The following LUC7L variants were observed in gnomAD, a reference collection of about 807,000 sequenced individuals.
The protein encoded by LUC7L is putative RNA-binding protein Luc7-like 1.
LUC7L carries 29 observed loss-of-function variants against 51.1 expected under a neutral mutation model. The ratio of observed to expected loss-of-function variants is 0.57; its 90% CI spans 0.42 to 0.77. The LOEUF is 0.77. LUC7L is among the 30% of genes least tolerant of loss of function. The pLI is 0.00. For synonymous variants in LUC7L, 181 were observed against 180.7 expected, an observed-to-expected ratio of 1.00 and a Z score of -0.01; for missense variants, 403 against 511.9, an observed-to-expected ratio of 0.79 and a Z score of 2.05.
intron 2 of LUC7L, among the ~76,000 whole-genome samples, chr16:223,272 C>T (rs904335286): frequency 2.0e-5 from 3 of 151,968 alleles, no homozygotes; most frequent in Non-Finnish European, 4.4e-5. Flanking sequence ...TGGCATGAAC[C>T]AGAGAGGCAG....
intron 6 of LUC7L, among the ~76,000 whole-genome samples, chr16:196,809 G>C (rs2049161370): frequency 6.6e-6 from 1 of 151,614 alleles, no homozygotes; most frequent in Non-Finnish European, 1.5e-5. Context: ...TTACAGGTGT[G>C]AGCCACCATG....
At chr16:201,737 CTTTTTTTT>C (rs34083330) in intron 5 of LUC7L, among the ~76,000 whole-genome samples, 768 of 54,376 alleles carry the variant, frequency 0.014, 14 homozygotes, top group African/African-American at 0.065. Flanking sequence ...CCGCACCAGG[CTTTTTTTT>C]TTTTTTTTTT....
chr16:226,737 A>C (rs181972118), intron 2 of LUC7L, among the ~76,000 whole-genome samples: 215 of 152,340 alleles, frequency 1.4e-3, no homozygotes, highest in Non-Finnish European at 2.2e-3. Flanking sequence ...TGCTACAGCC[A>C]AATTAGAATA....
chr16:195,806 G>C (rs528783649), intron 6 of LUC7L, among the ~76,000 whole-genome samples: 1 of 151,856 alleles, frequency 6.6e-6, no homozygotes, highest in Non-Finnish European at 1.5e-5. Context: ...GGAGGCCTAG[G>C]AAGGTGGATA....
rs898120475 is a variant in LUC7L, at chr16:228,871, C to T, written c.61+408G>A. On this transcript the variant is annotated intron_variant, in intron 1 of 9. Transcript: ENST00000293872. ...AGGTTTTCGAGGCCCATCCGGCTCC[C>T]TCGGGTGTAGCTTCTTCCCAAGGAG... 26 of 1,309,298 alleles carry T rather than the reference C, an allele frequency of 2.0e-5. 1 individual carries two copies. The highest frequency in any genetic ancestry group is 2.1e-4 in the Middle Eastern group (1 of 4,830). The allele number at this position is 1,309,298 out of a possible 1,614,324, so 81.1% of individuals were successfully genotyped here.
At chr16:205,055 A>G (rs1420434634) in intron 5 of LUC7L, among the ~76,000 whole-genome samples, 1 of 152,222 alleles carries the variant, frequency 6.6e-6, no homozygotes, top group Non-Finnish European at 1.5e-5. Flanking sequence ...GAATTATTAC[A>G]GTAGTACAGT....
At chr16:199,361 C>T (rs1344270328) in intron 5 of LUC7L, 123 bp from the exon 6 acceptor site, 2 of 654,140 alleles carry the variant, frequency 3.1e-6, no homozygotes, top group African/African-American at 1.8e-5. Flanking sequence ...ATTAAAAAAA[C>T]ACAAACAAAA....
At chr16:193,953 G>A (rs1030169186) in intron 6 of LUC7L, among the ~76,000 whole-genome samples, 21 of 151,560 alleles carry the variant, frequency 1.4e-4, no homozygotes, top group East Asian at 1.9e-4. Context: ...ACAGGCGCCC[G>A]GCACTGCGCC....
chr16:219,598 G>A (rs1001753886), intron 3 of LUC7L, among the ~76,000 whole-genome samples: 4 of 151,470 alleles, frequency 2.6e-5, no homozygotes, highest in African/African-American at 4.8e-5. Flanking sequence ...AAGAAGCTAG[G>A]CACGGTGGCT....
At chr16:224,847 A>G (rs1014170125) in intron 2 of LUC7L, among the ~76,000 whole-genome samples, 7 of 151,918 alleles carry the variant, frequency 4.6e-5, no homozygotes, top group Non-Finnish European at 1.0e-4. Flanking sequence ...AAAAAACCTC[A>G]CATGAAGCAA....
intron 2 of LUC7L, among the ~76,000 whole-genome samples, chr16:225,482 G>GTC (rs1567195150): frequency 8.6e-6 from 1 of 116,080 alleles, no homozygotes; most frequent in Non-Finnish European, 1.8e-5. Context: ...GCGAAACTCC[G>GTC]TCTCTTTTTT....
intron 2 of LUC7L, among the ~76,000 whole-genome samples, chr16:224,947 C>T (rs761791443): frequency 4.6e-5 from 7 of 152,204 alleles, no homozygotes; most frequent in Non-Finnish European, 7.3e-5. Context: ...TGATTACCCT[C>T]TTTGGATGTA....
intron 2 of LUC7L, among the ~76,000 whole-genome samples, chr16:223,288 G>A (rs748318226): frequency 3.2e-4 from 49 of 152,056 alleles, no homozygotes; most frequent in Non-Finnish European, 6.0e-4. Context: ...GGCAGAGCTT[G>A]CAGTGAGTCA....
chr16:211,376 T>C (rs993247395), intron 3 of LUC7L, among the ~76,000 whole-genome samples: 6 of 151,428 alleles, frequency 4.0e-5, no homozygotes, highest in Non-Finnish European at 7.4e-5. Context: ...GAGAATCGCT[T>C]GAACCTGGGA....
chr16:221,500 A>G (rs1017304507), intron 2 of LUC7L, among the ~76,000 whole-genome samples: 2 of 151,968 alleles, frequency 1.3e-5, no homozygotes, highest in African/African-American at 4.8e-5. Flanking sequence ...TCAGGAGTTC[A>G]AGGCCAGCCT....
chr16:217,263 C>G (rs999685278), intron 3 of LUC7L, among the ~76,000 whole-genome samples: 1 of 151,936 alleles, frequency 6.6e-6, no homozygotes, highest in Non-Finnish European at 1.5e-5. Flanking sequence ...GTGATCCACC[C>G]ACCTCAGCCT....
chr16:215,577 C>T (rs895515951), intron 3 of LUC7L, among the ~76,000 whole-genome samples: 3 of 149,612 alleles, frequency 2.0e-5, no homozygotes, highest in South Asian at 2.1e-4. Flanking sequence ...CCGAGATCAT[C>T]GCGCCATTGC....
In LUC7L at chr16:227,321, T is replaced by C; in HGVS notation, c.77A>G (p.Gln26Arg). 6.2e-7 allele frequency: 1 copy of C among 1,609,608 alleles called. No homozygotes were observed. The highest frequency in any genetic ancestry group is 8.5e-7 in the Non-Finnish European group (1 of 1,177,476). Residue 26 changes from glutamine to arginine, a missense_variant, in exon 2 of 10, where the codon CAG becomes CGG. By Grantham distance (43) the Gln-to-Arg change is conservative (BLOSUM62 1). Transcript: ENST00000293872. ...ACGGTCATCTGTAAACTTGACCCTC[T>C]GTCTGGTTTCGTCTCCTGAAATTCA... ...GTARDGDETRQRVKFTDDRVC... is the reference protein window; with the variant it reads ...GTARDGDETRRRVKFTDDRVC...
At chr16:189,522 G>C in intron 9 of LUC7L, 183 bp from the exon 10 acceptor site, 1 of 1,392,496 alleles carries the variant, frequency 7.2e-7, no homozygotes, top group South Asian at 1.8e-5. Flanking sequence ...CCATTAAAAA[G>C]TGACCTTTGC....
Sources: allele counts gnomAD v4.1 joint callset (sites outside exome capture counted in the v4.1 genomes callset), GRCh38; gene constraint gnomAD v4.1.1; transcripts MANE v1.5; gene names NCBI Gene and HGNC (gene_info 2026-07-23, HGNC 2026-07-21).